The following PIP5K1B variants were observed in gnomAD, a reference collection of about 807,000 sequenced individuals.
The protein encoded by PIP5K1B is phosphatidylinositol-4-phosphate 5-kinase type 1 beta, also known as phosphatidylinositol 4-phosphate 5-kinase type-1 beta.
In PIP5K1B, 42 loss-of-function variants were observed where a neutral mutation model predicts 67.0. The observed-to-expected ratio is 0.63, with a 90% CI of 0.49 to 0.81. The LOEUF (loss-of-function observed/expected upper bound fraction) is 0.81. Among genes scored for constraint, PIP5K1B ranks in the 30% least tolerant of loss-of-function variants. The probability of loss-of-function intolerance (pLI) is 0.00; values close to 1 mark genes in which losing one functional copy is unlikely to be tolerated. For missense variants in PIP5K1B, 459 were observed against 646.3 expected, an observed-to-expected ratio of 0.71 and a Z score of 3.14; for synonymous variants, 214 against 231.4, an observed-to-expected ratio of 0.92 and a Z score of 0.68.
chr9:68,841,012 A>C (rs1479728553), intron 4 of PIP5K1B, among the ~76,000 whole-genome samples: 1 of 152,182 alleles, frequency 6.6e-6, no homozygotes, highest in East Asian at 1.9e-4. Context: ...GTAGATACCA[A>C]CTGTGATCCT....
intron 4 of PIP5K1B, among the ~76,000 whole-genome samples, chr9:68,845,969 CT>C (rs750527849): frequency 1.1e-4 from 17 of 152,140 alleles, no homozygotes; most frequent in Non-Finnish European, 2.4e-4. Context: ...AAAACATGAT[CT>C]AGGATTTATC....
In PIP5K1B at chr9:68,737,832, C is replaced by A. The variant is rs1359182149; in HGVS notation, c.-242-4669C>A. ...GATTGCATTGATCCTTAGGAACCAG[C>A]ATAAATCTACTAATGCGTAGTGACC... On this transcript the variant is annotated intron_variant, in intron 1 of 15. Coordinates refer to ENST00000265382, the MANE Select transcript of PIP5K1B (RefSeq NM_003558.4). Among the ~76,000 whole-genome samples the A allele has an allele frequency of 5.3e-5, 8 of 152,282 alleles. No individual in the cohort carries two copies. In the East Asian group the frequency reaches 1.5e-3, roughly 29 times the overall value.
At chr9:68,770,534 C>G (rs532487472) in intron 2 of PIP5K1B, among the ~76,000 whole-genome samples, 4 of 152,306 alleles carry the variant, frequency 2.6e-5, no homozygotes, top group Non-Finnish European at 5.9e-5. Flanking sequence ...GGACTGGTAC[C>G]AGTCTGCGGC....
intron 1 of PIP5K1B, among the ~76,000 whole-genome samples, chr9:68,715,456 T>TG (rs970983948): frequency 6.6e-6 from 1 of 152,154 alleles, no homozygotes. Context: ...GCACTCTCGT[T>TG]GCCCCCTTTG....
intron 14 of PIP5K1B, among the ~76,000 whole-genome samples, chr9:68,961,457 T>C (rs1350014872): frequency 6.6e-6 from 1 of 152,166 alleles, no homozygotes; most frequent in East Asian, 1.9e-4. Context: ...ATATGATATA[T>C]CAATAAAACT....
intron 1 of PIP5K1B, chr9:68,728,910 A>C (rs188240679): frequency 4.6e-4 from 70 of 152,274 alleles, no homozygotes; most frequent in African/African-American, 1.6e-3. Context: ...GTGACTAATG[A>C]GCTGCTGGGG....
At chr9:68,769,567 A>T (rs7049222) in intron 2 of PIP5K1B, among the ~76,000 whole-genome samples, 51,450 of 152,088 alleles carry the variant, frequency 0.34, 8,860 homozygotes, top group Admixed American at 0.38. Context: ...GTAATTCCCC[A>T]GATTTGGCTA....
intron 1 of PIP5K1B, among the ~76,000 whole-genome samples, chr9:68,715,558 A>G (rs911793002): frequency 7.9e-5 from 12 of 152,334 alleles, no homozygotes; most frequent in African/African-American, 2.2e-4. Flanking sequence ...AGTCTAGGAC[A>G]GGACCAGTGG....
intron 8 of PIP5K1B, among the ~76,000 whole-genome samples, chr9:68,904,278 G>A (rs1259326641): frequency 1.3e-5 from 2 of 152,182 alleles, no homozygotes; most frequent in Non-Finnish European, 2.9e-5. Flanking sequence ...ACAGATATAG[G>A]CAGCATGGGC....
intron 1 of PIP5K1B, among the ~76,000 whole-genome samples, chr9:68,734,248 C>T (rs1196751055): frequency 6.6e-6 from 1 of 152,164 alleles, no homozygotes; most frequent in East Asian, 1.9e-4. Flanking sequence ...GAAGTTCACC[C>T]CATTAAAGAG....
chr9:68,866,626 A>C (rs574530794), intron 5 of PIP5K1B, among the ~76,000 whole-genome samples: 1 of 152,378 alleles, frequency 6.6e-6, no homozygotes, highest in East Asian at 1.9e-4. Flanking sequence ...GCATACAATT[A>C]CAATTACAAA....
rs552695707 is a variant in PIP5K1B at position 68,961,094 on chromosome 9, C to G, written c.1502+20304C>G. ...GCGCGGTGGCGGGCGCCTGTAGTCC[C>G]AGCTACTCGGGAGGCTGAGGCAGGA... On this transcript the variant is annotated intron_variant, in intron 14 of 15. Transcript: ENST00000265382. Among the ~76,000 whole-genome samples, 8 of 152,102 alleles carry G rather than the reference C, an allele frequency of 5.3e-5. No individual in the cohort carries two copies. In the South Asian group the frequency reaches 1.7e-3, roughly 32 times the overall value.
At chr9:68,780,855 C>T in intron 2 of PIP5K1B, 1 of 1,614,240 alleles carries the variant, frequency 6.2e-7, no homozygotes, top group Non-Finnish European at 8.5e-7. Flanking sequence ...TGACGTTGCA[C>T]AGCTGTCAGA....
At chr9:68,917,300 T>C (rs1267864371) in intron 8 of PIP5K1B, among the ~76,000 whole-genome samples, 2 of 152,136 alleles carry the variant, frequency 1.3e-5, no homozygotes, top group Non-Finnish European at 2.9e-5. Flanking sequence ...TCATGGAGGG[T>C]TGAGAAAACA....
At chr9:68,988,723 T>G (rs1393615439) in intron 14 of PIP5K1B, among the ~76,000 whole-genome samples, 2 of 151,854 alleles carry the variant, frequency 1.3e-5, no homozygotes, top group African/African-American at 4.8e-5. Context: ...AGTGCTGGGA[T>G]TATAGGCGTG....
intron 1 of PIP5K1B, chr9:68,707,626 A>T (rs1333945474): frequency 1.3e-5 from 2 of 152,238 alleles, no homozygotes; most frequent in Non-Finnish European, 2.9e-5. Context: ...GGTTTAGACA[A>T]GCAGTGGGAG....
chr9:68,776,727 G>A (rs12345874), intron 2 of PIP5K1B, among the ~76,000 whole-genome samples: 59,566 of 152,028 alleles, frequency 0.39, 11,892 homozygotes, highest in African/African-American at 0.47. Flanking sequence ...CTGGTTTTGT[G>A]GCTTCACAGT....
chr9:68,841,841 A>G (rs1821936812), intron 4 of PIP5K1B, among the ~76,000 whole-genome samples: 1 of 152,326 alleles, frequency 6.6e-6, no homozygotes, highest in South Asian at 2.1e-4. Flanking sequence ...TGGAAGTGGC[A>G]TTTTCTGCAT....
chr9:68,932,510 T>C, intron 12 of PIP5K1B, among the ~76,000 whole-genome samples: 1 of 152,326 alleles, frequency 6.6e-6, no homozygotes, highest in Middle Eastern at 3.4e-3. Context: ...AATTATATTT[T>C]CCACAAATAA....
Sources: allele counts gnomAD v4.1 joint callset (sites outside exome capture counted in the v4.1 genomes callset), GRCh38; gene constraint gnomAD v4.1.1; transcripts MANE v1.5; gene names NCBI Gene and HGNC (gene_info 2026-07-23, HGNC 2026-07-21).